PTPRD: variants seen among roughly 807,000 people sequenced by gnomAD.
The protein encoded by PTPRD is receptor-type tyrosine-protein phosphatase delta.
A neutral mutation model predicts 214.5 loss-of-function variants in PTPRD; 34 were observed. The observed-to-expected ratio is 0.16, with a 90% CI of 0.12 to 0.21. The LOEUF (loss-of-function observed/expected upper bound fraction) is 0.21. Ranked by LOEUF, PTPRD falls within the 10% of genes least tolerant of loss-of-function variation. The pLI is 1.00. For missense variants in PTPRD, 2,545 were observed against 2,398.7 expected, an observed-to-expected ratio of 1.06 and a Z score of -1.27; for synonymous variants, 1,128 against 845.7, an observed-to-expected ratio of 1.33 and a Z score of -5.79.
At position 8,317,388 on chromosome 9, in the gene PTPRD, TC is replaced by T. The variant is rs1822719823; in HGVS notation, c.*485del. ...TACTAAAAAACTAAATCAAGGACTT[TC>T]TTTTTAAACATTCCCTCCCCTTTCC... On this transcript the variant is annotated 3_prime_UTR_variant, in exon 46 of 46. Transcript: ENST00000381196. 4.3e-6 allele frequency: 1 copy of T among 232,994 alleles called. No homozygotes were observed. The highest frequency in any genetic ancestry group is 8.5e-6 in the Non-Finnish European group (1 of 117,666). The allele number at this position is 232,994 out of a possible 1,614,324, so 14.4% of individuals were successfully genotyped here.
intron 3 of PTPRD, among the ~76,000 whole-genome samples, chr9:10,304,063 C>G (rs1045217318): frequency 6.6e-6 from 1 of 152,166 alleles, no homozygotes; most frequent in Non-Finnish European, 1.5e-5. Context: ...CGCTCATCCA[C>G]CACAATCAAG....
At chr9:10,068,267 G>A (rs1246389039) in intron 3 of PTPRD, among the ~76,000 whole-genome samples, 1 of 151,830 alleles carries the variant, frequency 6.6e-6, no homozygotes, top group Non-Finnish European at 1.5e-5. Flanking sequence ...TGGAAAAGGT[G>A]GTGAAAAGCC....
chr9:9,886,066 A>G (rs1034312161), intron 5 of PTPRD, among the ~76,000 whole-genome samples: 1 of 152,024 alleles, frequency 6.6e-6, no homozygotes, highest in Non-Finnish European at 1.5e-5. Flanking sequence ...CTGAACTGCT[A>G]TGGATAGAAA....
intron 7 of PTPRD, among the ~76,000 whole-genome samples, chr9:9,649,111 T>C (rs563266750): frequency 4.7e-4 from 71 of 152,178 alleles, no homozygotes; most frequent in Non-Finnish European, 8.1e-4. Context: ...CGCAGTGTTA[T>C]TCAGGGTCTG....
At chr9:8,813,313 A>G (rs554341700) in intron 11 of PTPRD, among the ~76,000 whole-genome samples, 1 of 152,184 alleles carries the variant, frequency 6.6e-6, no homozygotes, top group African/African-American at 2.4e-5. Context: ...ACCAGCCACA[A>G]AGGAATAGCT....
intron 11 of PTPRD, among the ~76,000 whole-genome samples, chr9:8,820,233 G>C (rs948878086): frequency 2.6e-5 from 4 of 152,046 alleles, no homozygotes; most frequent in African/African-American, 9.7e-5. Flanking sequence ...CTACTGCACA[G>C]ATGTGAAAAC....
At chr9:9,897,289 A>C (rs10739202) in intron 5 of PTPRD, among the ~76,000 whole-genome samples, 2 of 151,974 alleles carry the variant, frequency 1.3e-5, no homozygotes, top group Non-Finnish European at 2.9e-5. Context: ...CTGACTTACT[A>C]ATTTGCTATA....
intron 10 of PTPRD, among the ~76,000 whole-genome samples, chr9:9,179,943 T>C (rs1389093330): frequency 6.6e-6 from 1 of 152,104 alleles, no homozygotes; most frequent in Non-Finnish European, 1.5e-5. Context: ...TTGCACATAA[T>C]ATACATATCA....
At chr9:9,275,216 T>A (rs1301507870) in intron 9 of PTPRD, among the ~76,000 whole-genome samples, 32 of 98,422 alleles carry the variant, frequency 3.3e-4, no homozygotes, top group Non-Finnish European at 4.2e-4. Flanking sequence ...TATATATATA[T>A]AACCATTAGC....
intron 4 of PTPRD, among the ~76,000 whole-genome samples, chr9:9,952,838 C>A (rs2093577280): frequency 2.0e-5 from 3 of 152,138 alleles, no homozygotes; most frequent in South Asian, 4.1e-4. Flanking sequence ...TCCAAATCCA[C>A]TGCACAGTGT....
chr9:10,306,115 C>T (rs950083935), intron 3 of PTPRD, among the ~76,000 whole-genome samples: 3 of 152,096 alleles, frequency 2.0e-5, no homozygotes, highest in African/African-American at 7.2e-5. Flanking sequence ...AGTTCATGTC[C>T]TTTGCAGGGA....
chr9:9,749,000 C>G (rs1249688312), intron 6 of PTPRD, among the ~76,000 whole-genome samples: 1 of 150,290 alleles, frequency 6.7e-6, no homozygotes, highest in Admixed American at 6.6e-5. Flanking sequence ...GCTAACAGAA[C>G]CAATACCTGC....
At chr9:10,612,215 A>AAAG (rs1484337021) in intron 2 of PTPRD, among the ~76,000 whole-genome samples, 183 bp downstream of exon 2, 3 of 151,234 alleles carry the variant, frequency 2.0e-5, no homozygotes, top group Non-Finnish European at 2.9e-5. Context: ...TTCCAAAAAA[A>AAAG]AAAAAAAAAG....
At chr9:9,465,966 T>C (rs1316096327) in intron 8 of PTPRD, among the ~76,000 whole-genome samples, 1 of 151,970 alleles carries the variant, frequency 6.6e-6, no homozygotes, top group Non-Finnish European at 1.5e-5. Context: ...TTGCCAGAGA[T>C]TTCACAAAAA....
At chr9:9,233,046 T>C (rs2099964121) in intron 9 of PTPRD, among the ~76,000 whole-genome samples, 1 of 152,114 alleles carries the variant, frequency 6.6e-6, no homozygotes, top group Non-Finnish European at 1.5e-5. Context: ...GGGGCCCTAC[T>C]CAGTCCCTGG....
intron 2 of PTPRD, among the ~76,000 whole-genome samples, chr9:10,447,229 T>G (rs1332127644): frequency 1.3e-5 from 2 of 151,250 alleles, no homozygotes; most frequent in Non-Finnish European, 2.9e-5. Context: ...CAAAATTTAG[T>G]GCCAAGTCAG....
chr9:10,496,861 T>A (rs972826823), intron 2 of PTPRD, among the ~76,000 whole-genome samples: 1 of 152,026 alleles, frequency 6.6e-6, no homozygotes, highest in African/African-American at 2.4e-5. Flanking sequence ...TATTAGACCT[T>A]TGTCAGATGC....
intron 14 of PTPRD, among the ~76,000 whole-genome samples, chr9:8,574,511 C>G (rs2091945915): frequency 6.6e-6 from 1 of 151,970 alleles, no homozygotes; most frequent in Non-Finnish European, 1.5e-5. Context: ...AGCACTGTAT[C>G]TCAGCAGCTG....
chr9:9,604,025 C>T (rs1465483513), intron 7 of PTPRD, among the ~76,000 whole-genome samples: 1 of 151,860 alleles, frequency 6.6e-6, no homozygotes, highest in Non-Finnish European at 1.5e-5. Flanking sequence ...AAATATACTA[C>T]TTTTAACTAA....
Sources: allele counts gnomAD v4.1 joint callset (sites outside exome capture counted in the v4.1 genomes callset), GRCh38; gene constraint gnomAD v4.1.1; transcripts MANE v1.5; gene names NCBI Gene and HGNC (gene_info 2026-07-23, HGNC 2026-07-21).